The following ANO3 variants were observed in gnomAD, a reference collection of about 807,000 sequenced individuals.
ANO3 encodes the protein anoctamin-3.
A neutral mutation model predicts 144.8 loss-of-function variants in ANO3; 99 were observed. The ratio of observed to expected loss-of-function variants is 0.68; its 90% CI spans 0.58 to 0.81. The LOEUF (loss-of-function observed/expected upper bound fraction) is 0.81, where lower values mean the gene tolerates loss of function less well. Among genes scored for constraint, ANO3 ranks in the 30% least tolerant of loss-of-function variants. The pLI is 0.00. For synonymous variants in ANO3, 414 were observed against 392.6 expected (o/e 1.05, Z -0.64); for missense variants, 905 against 1,202.2 (o/e 0.75, Z 3.66).
intron 1 of ANO3, among the ~76,000 whole-genome samples, chr11:26,348,655 C>T (rs190128992): frequency 7.6e-4 from 116 of 152,306 alleles, no homozygotes; most frequent in Non-Finnish European, 1.1e-3. Flanking sequence ...TCTTGAAGAT[C>T]AGGTTTTGGA....
intron 1 of ANO3, among the ~76,000 whole-genome samples, chr11:26,360,700 C>T (rs1048628955): frequency 3.3e-5 from 5 of 152,164 alleles, no homozygotes; most frequent in African/African-American, 1.2e-4. Flanking sequence ...ATCCTCTCTG[C>T]ATGTTTTTAT....
rs558318776 is a variant in ANO3 at position 26,474,254 on chromosome 11, T to C, written c.432+11106T>C. The C allele has an allele frequency of 2.6e-5, 6 of 230,176 alleles. 1 individual carries two copies. The South Asian group carries it at 9.5e-4, about 36-fold the overall frequency. The allele number at this position is 230,176 out of a possible 1,614,324, so 14.3% of individuals were successfully genotyped here. A position where few individuals can be genotyped will look rare whatever the true frequency, so the allele number is the denominator to read the frequency against. ...GAATTGGAATTGAGTGTATCTGTTA[T>C]TTCAAAATACTAGATATATATTTTA... On this transcript the variant is annotated intron_variant, in intron 4 of 26. Coordinates refer to ENST00000256737, the MANE Select transcript of ANO3 (RefSeq NM_031418.4).
rs113471798 is a variant in ANO3, at chr11:26,363,204, C to T, written c.46+30883C>T. On this transcript the variant is annotated intron_variant, in intron 1 of 26. Coordinates refer to ENST00000256737, the MANE Select transcript of ANO3 (RefSeq NM_031418.4). The stretch of plus-strand genomic sequence containing the variant: ...AGATTAAATACCTTCCCATAAATCA[C>T]TCTGGTAATTAATGGCAGAACAAAA... 1.3e-3 allele frequency among the ~76,000 whole-genome samples: 195 copies of T among 152,232 alleles called. 1 individual carries two copies. Among genetic ancestry groups the T allele is most frequent in the African/African-American group, 4.5e-3 (189 of 41,542 alleles).
At chr11:26,283,255 T>G (rs1412734569) in intron 1 of ANO3, among the ~76,000 whole-genome samples, 1 of 146,138 alleles carries the variant, frequency 6.8e-6, no homozygotes, top group Non-Finnish European at 1.5e-5. Context: ...TAATCCTCTT[T>G]GAATGAATGT....
intron 18 of ANO3, among the ~76,000 whole-genome samples, chr11:26,629,197 T>C (rs758842760): frequency 5.3e-5 from 8 of 152,132 alleles, no homozygotes; most frequent in Non-Finnish European, 1.2e-4. Context: ...GTAAAGCAAC[T>C]GAATAGCACT....
chr11:26,456,969 G>A (rs988230939), intron 3 of ANO3, among the ~76,000 whole-genome samples: 3 of 150,322 alleles, frequency 2.0e-5, no homozygotes, highest in South Asian at 2.1e-4. Context: ...GTAAACTATC[G>A]CAACAACAAA....
intron 1 of ANO3, among the ~76,000 whole-genome samples, chr11:26,370,900 T>C (rs1195771612): frequency 6.6e-6 from 1 of 152,134 alleles, no homozygotes; most frequent in Non-Finnish European, 1.5e-5. Flanking sequence ...AAGCAGAGCA[T>C]AAAAGTTTGG....
At chr11:26,648,695 G>C (rs893168736) in intron 24 of ANO3, among the ~76,000 whole-genome samples, 8 of 152,182 alleles carry the variant, frequency 5.3e-5, no homozygotes, top group African/African-American at 1.9e-4. Context: ...AAATGTAAGA[G>C]GGCATTGGAT....
chr11:26,341,821 G>A (rs1855369579), intron 1 of ANO3, among the ~76,000 whole-genome samples: 1 of 152,176 alleles, frequency 6.6e-6, no homozygotes, highest in Non-Finnish European at 1.5e-5. Context: ...AGAGTCCAAA[G>A]CTGAAGAACC....
intron 1 of ANO3, among the ~76,000 whole-genome samples, chr11:26,369,483 T>G (rs1053040968): frequency 3.3e-5 from 5 of 152,166 alleles, no homozygotes; most frequent in African/African-American, 1.2e-4. Context: ...GATCTGAGGC[T>G]AAGAGGTATT....
chr11:26,553,778 C>A (rs1003800709), intron 13 of ANO3, among the ~76,000 whole-genome samples: 1 of 152,080 alleles, frequency 6.6e-6, no homozygotes, highest in Non-Finnish European at 1.5e-5. Flanking sequence ...TTTTAAAACT[C>A]CTGAAGCTCA....
chr11:26,204,477 T>C (rs536263134), intron 1 of ANO3, among the ~76,000 whole-genome samples: 151 of 152,254 alleles, frequency 9.9e-4, no homozygotes, highest in African/African-American at 3.5e-3. Flanking sequence ...ATCTATGCTA[T>C]GGGAACTCCA....
At chr11:26,644,851 A>ACACACACACC in intron 23 of ANO3, among the ~76,000 whole-genome samples, 1 of 150,044 alleles carries the variant, frequency 6.7e-6, no homozygotes, top group African/African-American at 2.5e-5. Context: ...ACACACACAT[A>ACACACACACC]CCATATATAC....
intron 1 of ANO3, among the ~76,000 whole-genome samples, chr11:26,240,277 A>C (rs1852634566): frequency 6.6e-6 from 1 of 152,322 alleles, no homozygotes; most frequent in Non-Finnish European, 1.5e-5. Flanking sequence ...ACTTGTGCAT[A>C]TGATATAAAG....
chr11:26,401,075 A>G (rs1021653280), intron 1 of ANO3, among the ~76,000 whole-genome samples: 1 of 152,020 alleles, frequency 6.6e-6, no homozygotes, highest in East Asian at 1.9e-4. Context: ...TGATGACATA[A>G]AAGGAACAGG....
At chr11:26,476,000 G>C (rs900974574) in intron 4 of ANO3, among the ~76,000 whole-genome samples, 7 of 152,076 alleles carry the variant, frequency 4.6e-5, no homozygotes, top group African/African-American at 1.4e-4. Context: ...GATAACAGTA[G>C]CTTCAGTTGA....
chr11:26,636,748 G>T (rs970976699), intron 20 of ANO3, among the ~76,000 whole-genome samples: 3 of 152,206 alleles, frequency 2.0e-5, no homozygotes, highest in African/African-American at 7.2e-5. Context: ...TATAATCAAA[G>T]ACATAATGAA....
intron 7 of ANO3, among the ~76,000 whole-genome samples, chr11:26,527,698 T>A (rs1186813297): frequency 6.6e-6 from 1 of 152,162 alleles, no homozygotes; most frequent in Non-Finnish European, 1.5e-5. Context: ...GTTGTCCAGC[T>A]TTTGAGGATC....
chr11:26,399,639 C>T (rs949021136), intron 1 of ANO3, among the ~76,000 whole-genome samples: 1 of 151,886 alleles, frequency 6.6e-6, no homozygotes, highest in Admixed American at 6.6e-5. Flanking sequence ...ATTATTTTCT[C>T]AGAGAATGTT....
Sources: allele counts gnomAD v4.1 joint callset (sites outside exome capture counted in the v4.1 genomes callset), GRCh38; gene constraint gnomAD v4.1.1; transcripts MANE v1.5; gene names NCBI Gene and HGNC (gene_info 2026-07-23, HGNC 2026-07-21).